GNG7: variants seen among roughly 807,000 people sequenced by gnomAD.
GNG7 encodes the protein G protein subunit gamma 7, also known as guanine nucleotide-binding protein G(I)/G(S)/G(O) subunit gamma-7.
A neutral mutation model predicts 4.0 loss-of-function variants in GNG7; 1 was observed. The ratio of observed to expected loss-of-function variants is 0.25; its 90% CI spans 0.09 to 1.18. The LOEUF is 1.18. Ranked by LOEUF, GNG7 falls within the 50% of genes most tolerant of loss-of-function variation. The probability of loss-of-function intolerance (pLI) is 0.50; values close to 1 mark genes in which losing one functional copy is unlikely to be tolerated. For missense variants in GNG7, 86 were observed against 91.9 expected (o/e 0.94, Z 0.26); for synonymous variants, 34 against 36.9 (o/e 0.92, Z 0.29).
chr19:2,572,490 G>A (rs556005948), intron 2 of GNG7, among the ~76,000 whole-genome samples: 11 of 152,046 alleles, frequency 7.2e-5, no homozygotes, highest in African/African-American at 1.7e-4. Flanking sequence ...GGAGTGCAGT[G>A]GCCTGATCTC....
In GNG7 at chr19:2,517,269, C is replaced by T. The variant is rs910171033; in HGVS notation, c.82-2122G>A. ...CATAGCTCAATGCAGCCTCCACCTC[C>T]TGGGCTCAAGTGATTCTCCCGCCTC... On this transcript the variant is annotated intron_variant, in intron 4 of 4. Transcript: ENST00000382159. Among the ~76,000 whole-genome samples, 18 of 152,250 alleles carry T rather than the reference C, an allele frequency of 1.2e-4. 1 individual carries two copies. The East Asian group carries it at 3.3e-3, about 28-fold the overall frequency.
At chr19:2,545,649 TAAAAAAAA>T (rs34706450) in intron 3 of GNG7, among the ~76,000 whole-genome samples, 2 of 90,552 alleles carry the variant, frequency 2.2e-5, no homozygotes, top group East Asian at 6.3e-4. Context: ...GAAACTGTCT[TAAAAAAAA>T]AAAAAAAAAA....
At chr19:2,586,463 C>T (rs114277158) in intron 2 of GNG7, among the ~76,000 whole-genome samples, 2,489 of 152,240 alleles carry the variant, frequency 0.016, 77 homozygotes, top group African/African-American at 0.056. Flanking sequence ...TGGGAGCCAG[C>T]GGGCCCAGAC....
chr19:2,675,714 C>A (rs117267647), intron 1 of GNG7, among the ~76,000 whole-genome samples: 2 of 152,052 alleles, frequency 1.3e-5, no homozygotes, highest in African/African-American at 4.8e-5. Context: ...GGTCTGAGGA[C>A]ATCTGTGGTT....
At chr19:2,579,217 C>G (rs1980430416) in intron 2 of GNG7, among the ~76,000 whole-genome samples, 1 of 152,250 alleles carries the variant, frequency 6.6e-6, no homozygotes, top group African/African-American at 2.4e-5. Context: ...CCGGACACAC[C>G]TGACTCGGAC....
intron 3 of GNG7, among the ~76,000 whole-genome samples, chr19:2,527,636 TGATCTACACC>T (rs928270612): frequency 1.9e-5 from 2 of 104,650 alleles, no homozygotes; most frequent in African/African-American, 7.3e-5. Flanking sequence ...TAAAGAGACC[TGATCTACACC>T]GGGAAGTTTA....
At chr19:2,523,481 AG>A (rs1318313496) in intron 3 of GNG7, among the ~76,000 whole-genome samples, 1 of 152,040 alleles carries the variant, frequency 6.6e-6, no homozygotes, top group Non-Finnish European at 1.5e-5. Flanking sequence ...TGAGCCTGGG[AG>A]GTTGAGGCCA....
chr19:2,523,444 T>C (rs918387237), intron 3 of GNG7, among the ~76,000 whole-genome samples: 29 of 151,974 alleles, frequency 1.9e-4, no homozygotes, highest in African/African-American at 7.0e-4. Context: ...TCCCAGCTAC[T>C]TGGGAGGCTG....
intron 3 of GNG7, among the ~76,000 whole-genome samples, chr19:2,553,760 CAT>C (rs1979440721): frequency 6.8e-6 from 1 of 148,140 alleles, no homozygotes; most frequent in Non-Finnish European, 1.5e-5. Flanking sequence ...CATATATGCA[CAT>C]ATTGCATGTA....
chr19:2,686,922 T>A (rs1215166113), intron 1 of GNG7, among the ~76,000 whole-genome samples: 1 of 151,934 alleles, frequency 6.6e-6, no homozygotes, highest in Non-Finnish European at 1.5e-5. Context: ...CAGCTAACTT[T>A]TTGTATTTTT....
chr19:2,655,857 A>C (rs1357546196), intron 1 of GNG7, among the ~76,000 whole-genome samples: 1 of 134,174 alleles, frequency 7.5e-6, no homozygotes, highest in African/African-American at 3.3e-5. Flanking sequence ...AAAAAAAAAA[A>C]AAATACATAT....
At chr19:2,675,609 G>A (rs1044120913) in intron 1 of GNG7, among the ~76,000 whole-genome samples, 26 of 152,180 alleles carry the variant, frequency 1.7e-4, no homozygotes, top group Admixed American at 7.2e-4. Context: ...ACTGCTGGGG[G>A]AAATATTTCC....
At chr19:2,574,990 G>T (rs1246208678) in intron 2 of GNG7, among the ~76,000 whole-genome samples, 1 of 152,170 alleles carries the variant, frequency 6.6e-6, no homozygotes, top group Non-Finnish European at 1.5e-5. Flanking sequence ...TAGGCTTAGG[G>T]GCACAATGGT....
chr19:2,689,355 G>A (rs575339893), intron 1 of GNG7, among the ~76,000 whole-genome samples: 4 of 151,842 alleles, frequency 2.6e-5, no homozygotes, highest in Non-Finnish European at 5.9e-5. Flanking sequence ...CATTTGGGCC[G>A]GGCTCGGTGG....
rs1467544308 is a variant in GNG7 at position 2,611,654 on chromosome 19, G to A, written c.-78+34570C>T. The A allele has an allele frequency of 6.6e-6, 1 of 152,078 alleles. No individual in the cohort carries two copies. Among genetic ancestry groups the A allele is most frequent in the Non-Finnish European group, 1.5e-5 (1 of 68,026 alleles). The allele number at this position is 152,078 out of a possible 1,614,324, so 9.4% of individuals were successfully genotyped here. On this transcript the variant is annotated intron_variant, in intron 2 of 4. Transcript: ENST00000382159. The surrounding 1 kb of genome is among the most constrained non-coding windows in gnomAD (Gnocchi z 6.0). ...AAGGTCGAGACCAGCCTGGCCAAGA[G>A]AGCAACACCAGGTCTCTACAAAAAA... is the stretch of plus-strand genomic sequence containing the variant.
At chr19:2,571,689 G>A (rs965098449) in intron 2 of GNG7, among the ~76,000 whole-genome samples, 18 of 136,638 alleles carry the variant, frequency 1.3e-4, no homozygotes, top group African/African-American at 4.1e-4. Flanking sequence ...TCTGCCTCCC[G>A]GGGTTAAGTG....
intron 1 of GNG7, among the ~76,000 whole-genome samples, chr19:2,685,580 G>A (rs895144707): frequency 2.0e-5 from 3 of 152,088 alleles, no homozygotes; most frequent in Admixed American, 6.6e-5. Context: ...AGCTGTGATC[G>A]CACCACTGCA....
rs1983165257 is a variant in GNG7, at chr19:2,661,312, G to GAAAGAAAGAA, written c.-134-15042_-134-15033dup. Among the ~76,000 whole-genome samples, 15 of 132,770 alleles carry GAAAGAAAGAA rather than the reference G, an allele frequency of 1.1e-4. 1 individual carries two copies. The highest frequency in any genetic ancestry group is 4.2e-4 in the African/African-American group (14 of 33,470). The allele number at this position is 132,770 out of a possible 152,430, so 87.1% of individuals were successfully genotyped here. Reference sequence around the variant, plus strand: ...AAAGAAAGAAAGAAAGAGAAAGAAAGAAAGAAAGAAAGAAAGAAAGAAAGA... The same window carrying GAAAGAAAGAA: ...AAAGAAAGAAAGAAAGAGAAAGAAAGAAAGAAAGAAAAAGAAAGAAAGAAAGAAAGAAAGA... On this transcript the variant is annotated intron_variant, in intron 1 of 4. Coordinates refer to ENST00000382159, the MANE Select transcript of GNG7 (RefSeq NM_052847.3).
At chr19:2,547,692 C>G (rs1356352486) in intron 3 of GNG7, among the ~76,000 whole-genome samples, 1 of 152,220 alleles carries the variant, frequency 6.6e-6, no homozygotes, top group African/African-American at 2.4e-5. Flanking sequence ...CACTGGGTAC[C>G]AAAGATGCCA....
Sources: allele counts gnomAD v4.1 joint callset (sites outside exome capture counted in the v4.1 genomes callset), GRCh38; gene constraint gnomAD v4.1.1; non-coding constraint Gnocchi (gnomAD v3.1); transcripts MANE v1.5; gene names NCBI Gene and HGNC (gene_info 2026-07-23, HGNC 2026-07-21).